Variants in GRIK2 observed in about 807,000 individuals in gnomAD.
GRIK2 encodes the protein glutamate receptor ionotropic, kainate 2.
In GRIK2, 32 loss-of-function variants were observed where a neutral mutation model predicts 100.3. That is an observed-to-expected ratio of 0.32 (90% CI 0.24 to 0.43). The LOEUF (loss-of-function observed/expected upper bound fraction) is 0.43. GRIK2 is among the 20% of genes least tolerant of loss of function. The pLI is 1.00. For missense variants in GRIK2, 843 were observed against 1,114.9 expected (o/e 0.76, Z 3.47); for synonymous variants, 417 against 389.4 (o/e 1.07, Z -0.83).
intron 7 of GRIK2, among the ~76,000 whole-genome samples, chr6:101,728,389 C>T (rs981493825): frequency 1.3e-5 from 2 of 152,004 alleles, no homozygotes; most frequent in African/African-American, 2.4e-5. Flanking sequence ...CTTGCATTTC[C>T]GTTTGATACA....
chr6:101,748,744 A>G (rs1222778803), intron 7 of GRIK2, among the ~76,000 whole-genome samples: 3 of 152,138 alleles, frequency 2.0e-5, no homozygotes, highest in African/African-American at 7.2e-5. Flanking sequence ...TTGATTGACT[A>G]TCACTCAAAA....
chr6:101,909,378 T>TTTTTTGG (rs774868812), intron 12 of GRIK2, among the ~76,000 whole-genome samples: 1 of 120,352 alleles, frequency 8.3e-6, no homozygotes, highest in Admixed American at 8.7e-5. Context: ...AGGGTTTTCT[T>TTTTTTGG]TTTCTTTTTT....
chr6:101,528,459 A>G (rs762138387), intron 2 of GRIK2, among the ~76,000 whole-genome samples: 17 of 152,206 alleles, frequency 1.1e-4, no homozygotes, highest in Non-Finnish European at 2.5e-4. Flanking sequence ...GAAATGAGCT[A>G]GCAATTTTTT....
chr6:102,005,177 C>A (rs532085686), intron 14 of GRIK2, among the ~76,000 whole-genome samples: 1 of 151,136 alleles, frequency 6.6e-6, no homozygotes, highest in East Asian at 1.9e-4. Flanking sequence ...TATATATACA[C>A]AATTCCCTCT....
intron 14 of GRIK2, among the ~76,000 whole-genome samples, chr6:102,013,170 C>G (rs933506071): frequency 2.0e-5 from 3 of 152,036 alleles, no homozygotes; most frequent in Non-Finnish European, 4.4e-5. Flanking sequence ...TGCTGTATTT[C>G]TAAATATTTT....
At chr6:101,750,343 C>A (rs1171790010) in intron 7 of GRIK2, among the ~76,000 whole-genome samples, 1 of 152,136 alleles carries the variant, frequency 6.6e-6, no homozygotes, top group Non-Finnish European at 1.5e-5. Context: ...ATACTGCTGC[C>A]CTTCTGAAGA....
At chr6:102,004,866 T>TC (rs546314706) in intron 14 of GRIK2, among the ~76,000 whole-genome samples, 250 of 151,536 alleles carry the variant, frequency 1.6e-3, no homozygotes, top group Middle Eastern at 3.4e-3. Context: ...TGCATTTTTT[T>TC]TTTCTTTCTT....
chr6:101,442,938 A>G (rs1770162197), intron 2 of GRIK2, among the ~76,000 whole-genome samples: 1 of 152,156 alleles, frequency 6.6e-6, no homozygotes. Context: ...TAAATAACAT[A>G]AGATTCTTTT....
At chr6:101,830,937 G>A (rs1261290326) in intron 10 of GRIK2, among the ~76,000 whole-genome samples, 4 of 151,814 alleles carry the variant, frequency 2.6e-5, no homozygotes. Flanking sequence ...AAACAAGATG[G>A]GAACAATAGA....
intron 11 of GRIK2, among the ~76,000 whole-genome samples, chr6:101,882,317 T>C (rs1412649766): frequency 6.6e-6 from 1 of 151,978 alleles, no homozygotes; most frequent in Non-Finnish European, 1.5e-5. Flanking sequence ...CAATTGAGAG[T>C]GCACAACAAA....
chr6:101,518,898 T>A (rs1219201579), intron 2 of GRIK2, among the ~76,000 whole-genome samples: 1 of 152,170 alleles, frequency 6.6e-6, no homozygotes, highest in African/African-American at 2.4e-5. Context: ...AGCTTGCTTT[T>A]TAAGACTAAA....
chr6:102,051,255 T>TCCTTCCTC (rs1771170807), intron 15 of GRIK2, among the ~76,000 whole-genome samples: 1 of 48,818 alleles, frequency 2.0e-5, no homozygotes, highest in Non-Finnish European at 4.2e-5. Context: ...CTCCCTCCCT[T>TCCTTCCTC]CCTTCCTTCC....
chr6:102,064,283 TTCTCCTTCTCC>T (rs1771894865), intron 16 of GRIK2, among the ~76,000 whole-genome samples: 1 of 149,782 alleles, frequency 6.7e-6, no homozygotes, highest in Admixed American at 6.7e-5. Context: ...TCTCCTTCTC[TTCTCCTTCTCC>T]TCCTTCTCCT....
intron 14 of GRIK2, among the ~76,000 whole-genome samples, chr6:101,982,791 G>A (rs984536967): frequency 6.6e-6 from 1 of 151,424 alleles, no homozygotes; most frequent in Non-Finnish European, 1.5e-5. Flanking sequence ...ACTTACATAA[G>A]CCCTCAGGTA....
At chr6:101,691,153 T>C (rs1772066046) in intron 7 of GRIK2, among the ~76,000 whole-genome samples, 1 of 152,176 alleles carries the variant, frequency 6.6e-6, no homozygotes, top group South Asian at 2.1e-4. Context: ...ATTACATCTG[T>C]GTTCTAATCA....
intron 2 of GRIK2, among the ~76,000 whole-genome samples, chr6:101,618,304 T>C (rs1189168892): frequency 6.6e-6 from 1 of 151,612 alleles, no homozygotes; most frequent in Non-Finnish European, 1.5e-5. Flanking sequence ...AAACTATGGA[T>C]TCTGTGTTCT....
chr6:102,016,697 A>G (rs889479148), intron 14 of GRIK2, among the ~76,000 whole-genome samples: 4 of 152,088 alleles, frequency 2.6e-5, no homozygotes, highest in African/African-American at 9.7e-5. Context: ...CTTGGAAAAT[A>G]TATTTCAAGA....
intron 7 of GRIK2, among the ~76,000 whole-genome samples, chr6:101,762,341 AT>A (rs1416543615): frequency 1.3e-5 from 2 of 151,806 alleles, no homozygotes; most frequent in African/African-American, 4.8e-5. Flanking sequence ...AGCCTGGCTA[AT>A]TTTTTTATTT....
chr6:102,044,202 T>A (rs541950513), intron 15 of GRIK2, among the ~76,000 whole-genome samples: 3 of 152,182 alleles, frequency 2.0e-5, no homozygotes, highest in Non-Finnish European at 4.4e-5. Context: ...TGGTGTCAGA[T>A]AAAAGTGAAC....
Sources: gnomAD v4.1 joint callset for allele counts (sites outside exome capture counted in the v4.1 genomes callset) on GRCh38, gnomAD v4.1.1 for gene constraint, MANE v1.5 for transcripts, NCBI Gene and HGNC (gene_info 2026-07-23, HGNC 2026-07-21) for gene names.